Variants in MEP1B observed in about 807,000 individuals in gnomAD.
MEP1B encodes meprin A subunit beta, also known as N-benzoyl-L-tyrosyl-P-amino-benzoic acid hydrolase subunit beta.
In MEP1B, 80 loss-of-function variants were observed where a neutral mutation model predicts 84.6. The ratio of observed to expected loss-of-function variants is 0.95; its 90% confidence interval spans 0.79 to 1.14. MEP1B has a LOEUF of 1.14. MEP1B is among the 50% of genes most tolerant of loss of function. The pLI, the probability that MEP1B is intolerant of heterozygous loss-of-function variation, is 0.00. For synonymous variants in MEP1B, 273 were observed against 288.1 expected, an observed-to-expected ratio of 0.95 and a Z score of 0.53; for missense variants, 766 against 855.1, an observed-to-expected ratio of 0.90 and a Z score of 1.30.
intron 4 of MEP1B, among the ~76,000 whole-genome samples, chr18:32,194,114 C>T (rs575543049): frequency 2.3e-4 from 35 of 152,208 alleles, no homozygotes; most frequent in South Asian, 1.9e-3. Context: ...AAACCTTGAG[C>T]GCCACCTTTG....
At chr18:32,190,269 G>A in intron 1 of MEP1B, 136 bp downstream of exon 1, 2 of 672,242 alleles carry the variant, frequency 3.0e-6, no homozygotes, top group Non-Finnish European at 5.1e-6. Flanking sequence ...TTTCTTCTTG[G>A]AGATTAGGGG....
At position 32,213,327 on chromosome 18, in the gene MEP1B, T is replaced by A. The variant is rs1321686504; in HGVS notation, c.1347T>A (p.Tyr449Ter). 3.1e-6 allele frequency: 5 copies of A among 1,613,718 alleles called. No homozygotes were observed. The South Asian group carries it at 4.4e-5, about 14-fold the overall frequency. ...TTGGCAGCCCAAATGGAACTCTGTA[T>A]AGCCCTCCATTTTACTCTTCTAAAG... ...QFIGSPNGTLYSPPFYSSKGY... is the reference protein window; with the variant it reads ...QFIGSPNGTL The change falls in exon 11 of 15, where the codon TAT becomes TAA. Residue 449 changes from tyrosine to a stop codon, truncating the protein, a stop_gained. Transcript: ENST00000269202. LOFTEE classifies it high-confidence loss of function.
chr18:32,211,199 C>CG (rs1335200484), intron 10 of MEP1B, among the ~76,000 whole-genome samples: 1 of 151,970 alleles, frequency 6.6e-6, no homozygotes, highest in African/African-American at 2.4e-5. Context: ...ACCCGGGAGG[C>CG]GGGGGTGGCA....
chr18:32,199,964 T>C (rs2040895607), intron 5 of MEP1B, among the ~76,000 whole-genome samples: 1 of 152,154 alleles, frequency 6.6e-6, no homozygotes. Context: ...TTAAAAAACT[T>C]ATTCTCCTAA....
intron 1 of MEP1B, among the ~76,000 whole-genome samples, chr18:32,190,725 CAA>C (rs1330494324): frequency 2.0e-5 from 3 of 151,970 alleles, no homozygotes; most frequent in South Asian, 2.1e-4. Context: ...ACATTGCAAA[CAA>C]GAGATACAGA....
At chr18:32,209,452 G>T (rs372289827) in intron 9 of MEP1B, among the ~76,000 whole-genome samples, 3 of 147,444 alleles carry the variant, frequency 2.0e-5, no homozygotes, top group East Asian at 3.9e-4. Flanking sequence ...ATACCATTGC[G>T]TATCAGCCTG....
chr18:32,207,348 C>G lies in MEP1B; in HGVS notation c.644C>G (p.Ala215Gly). The G allele has an allele frequency of 6.2e-7, 1 of 1,612,936 alleles. No homozygotes were observed. Among genetic ancestry groups the G allele is most frequent in the Non-Finnish European group, 8.5e-7 (1 of 1,179,166 alleles). The change falls in exon 8 of 15, where the codon GCA becomes GGA. Residue 215 changes from alanine (A) to glycine (G), a missense_variant. Physicochemically the swap from Ala to Gly is moderately conservative, Grantham distance 60. Transcript: ENST00000269202. ...YTSVMHYSKTAFQNGTEPTIV... is the reference protein window; with the variant it reads ...YTSVMHYSKTGFQNGTEPTIV... Reference sequence around the variant, plus strand: ...TCAGTAATGCACTACAGTAAAACTGCATTCCAAAATGGAACAGAGCCGACA... The same window carrying G: ...TCAGTAATGCACTACAGTAAAACTGGATTCCAAAATGGAACAGAGCCGACA...
Position 32,210,689 on chromosome 18 carries a change from A to C in MEP1B, c.1108A>C (p.Asn370His). ...REYSADNVDG[N>H]LTLVEEIKEI... ...GTATTCTGCAGACAATGTGGATGGC[A>C]ATTTAACCCTTGTGGAAGAAATAAA... The change falls in exon 10 of 15, where the codon AAT becomes CAT. Residue 370 changes from asparagine (N) to histidine (H), a missense_variant. Asn to His is a moderately conservative substitution (Grantham distance 68). Transcript: ENST00000269202. 2.5e-6 allele frequency: 4 copies of C among 1,613,720 alleles called. No individual in the cohort carries two copies. The highest frequency in any genetic ancestry group is 3.4e-6 in the Non-Finnish European group (4 of 1,179,734).
chr18:32,208,050 A>G, intron 8 of MEP1B, 69 bp from the exon 9 acceptor site: 1 of 1,523,120 alleles, frequency 6.6e-7, no homozygotes, highest in Non-Finnish European at 9.0e-7. Context: ...ATACTGTGAT[A>G]AGTTCAGTTT....
intron 14 of MEP1B, 66 bp from the exon 15 acceptor site, chr18:32,220,165 T>C (rs2041135863): frequency 1.4e-6 from 2 of 1,421,776 alleles, no homozygotes; most frequent in Admixed American, 1.9e-5. Context: ...CATTTTATTA[T>C]GATTCATTTA....
At chr18:32,197,405 G>GTTTTTTTTTTTTTTTTTTTTTTTTT (rs34303503) in intron 5 of MEP1B, among the ~76,000 whole-genome samples, 1 of 142,162 alleles carries the variant, frequency 7.0e-6, no homozygotes, top group Non-Finnish European at 1.5e-5. Flanking sequence ...TTTCATTTTT[G>GTTTTTTTTTTTTTTTTTTTTTTTTT]TTTTTTTTTT....
intron 10 of MEP1B, among the ~76,000 whole-genome samples, chr18:32,212,614 A>G (rs1292956801): frequency 6.6e-6 from 1 of 152,206 alleles, no homozygotes; most frequent in East Asian, 1.9e-4. Flanking sequence ...AGATTGCAGG[A>G]TGTAGGCTTT....
intron 1 of MEP1B, among the ~76,000 whole-genome samples, chr18:32,190,500 A>G (rs2040791854): frequency 6.6e-6 from 1 of 152,166 alleles, no homozygotes; most frequent in Non-Finnish European, 1.5e-5. Context: ...GTCAGTACTT[A>G]CAAAGTTTTA....
At chr18:32,194,485 T>C (rs1464166934) in intron 4 of MEP1B, among the ~76,000 whole-genome samples, 1 of 151,768 alleles carries the variant, frequency 6.6e-6, no homozygotes, top group African/African-American at 2.4e-5. Flanking sequence ...CCTGCTTCTG[T>C]CCTCCCCTCT....
chr18:32,192,741 T>C (rs1318198054), intron 3 of MEP1B, 33 bp from the exon 4 acceptor site: 1 of 1,612,494 alleles, frequency 6.2e-7, no homozygotes, highest in Non-Finnish European at 8.5e-7. Context: ...TTGAATCCAA[T>C]TTGCTAACAT....
chr18:32,218,009 AATCTT>A, intron 14 of MEP1B, 44 bp downstream of exon 14: 1 of 1,580,558 alleles, frequency 6.3e-7, no homozygotes. Context: ...CTATTGGTGA[AATCTT>A]ATGGAGAGGA....
rs1466209264 is a variant in MEP1B at position 32,207,450 on chromosome 18, T to C, written c.746T>C (p.Leu249Ser). ...MDFSDSDLLK[L>S]NQLYNCSSSL... ...TTCAGTGACTCTGATCTCCTAAAGT[T>C]GAATCAACTGTATAACTGCTGTATG... Residue 249 changes from leucine to serine, a missense_variant, in exon 8 of 15, where the codon TTG (leucine) becomes TCG (serine). Transcript: ENST00000269202. 6.2e-7 allele frequency: 1 copy of C among 1,609,772 alleles called. No homozygotes were observed. The highest frequency in any genetic ancestry group is 8.5e-7 in the Non-Finnish European group (1 of 1,177,212).
In MEP1B at chr18:32,217,956, TC is replaced by T; in HGVS notation, c.2084del (p.Pro695ArgfsTer10). The T allele has an allele frequency of 6.2e-7, 1 of 1,613,802 alleles. No individual in the cohort carries two copies. Among genetic ancestry groups the T allele is most frequent in the East Asian group, 2.2e-5 (1 of 44,870 alleles). On this transcript the variant is annotated frameshift_variant, in exon 14 of 15. Coordinates refer to ENST00000269202, the MANE Select transcript of MEP1B (RefSeq NM_005925.3). LOFTEE classifies it high-confidence loss of function. ...RMSSNRPNLT[P>X]QNQHAF ...TGAGCTCAAATCGACCAAATTTGAC[TC>T]CGCAAAATGTAAGTTGAGGCTGATG...
chr18:32,209,749 T>C (rs902375678), intron 9 of MEP1B, among the ~76,000 whole-genome samples: 1 of 151,348 alleles, frequency 6.6e-6, no homozygotes, highest in Non-Finnish European at 1.5e-5. Context: ...TTCTTCCTTT[T>C]CTTTTTTTCT....
Sources: gnomAD v4.1 joint callset for allele counts (sites outside exome capture counted in the v4.1 genomes callset) on GRCh38, gnomAD v4.1.1 for gene constraint, MANE v1.5 for transcripts, NCBI Gene and HGNC (gene_info 2026-07-23, HGNC 2026-07-21) for gene names.